MYO1D: variants seen among roughly 807,000 people sequenced by gnomAD.
MYO1D encodes unconventional myosin-Id.
MYO1D carries 83 observed loss-of-function variants against 122.0 expected under a neutral mutation model. The observed-to-expected ratio is 0.68, with a 90% CI of 0.57 to 0.82. MYO1D has a LOEUF of 0.82. Among genes scored for constraint, MYO1D ranks in the 40% least tolerant of loss-of-function variants. MYO1D has a pLI of 0.00. For missense variants in MYO1D, 1,157 were observed against 1,269.5 expected (o/e 0.91, Z 1.35); for synonymous variants, 464 against 446.9 (o/e 1.04, Z -0.48).
intron 20 of MYO1D, among the ~76,000 whole-genome samples, chr17:32,621,371 T>A (rs182643294): frequency 3.3e-5 from 5 of 152,034 alleles, no homozygotes; most frequent in Admixed American, 6.5e-5. Flanking sequence ...AGCTGCACTG[T>A]GATTATTTTT....
intron 19 of MYO1D, among the ~76,000 whole-genome samples, chr17:32,639,619 C>T (rs2088164961): frequency 6.6e-6 from 1 of 152,076 alleles, no homozygotes; most frequent in Non-Finnish European, 1.5e-5. Context: ...TCAGTGCAGC[C>T]TCAAACTCCT....
intron 1 of MYO1D, among the ~76,000 whole-genome samples, chr17:32,872,295 C>T (rs1232952284): frequency 2.6e-5 from 4 of 151,974 alleles, no homozygotes; most frequent in African/African-American, 9.7e-5. Context: ...TATTTTGAGA[C>T]GGAGTCTTGC....
intron 16 of MYO1D, among the ~76,000 whole-genome samples, chr17:32,690,104 T>C (rs1056272480): frequency 6.6e-6 from 1 of 152,190 alleles, no homozygotes; most frequent in Non-Finnish European, 1.5e-5. Context: ...ATATAGGTTA[T>C]GTGTGAGTGT....
chr17:32,629,246 C>T (rs1036416882), intron 20 of MYO1D, among the ~76,000 whole-genome samples: 6 of 151,994 alleles, frequency 3.9e-5, no homozygotes, highest in Admixed American at 2.0e-4. Flanking sequence ...GAACAGGTTA[C>T]GCACACAGGA....
At chr17:32,630,123 G>T (rs1026565957) in intron 20 of MYO1D, among the ~76,000 whole-genome samples, 2 of 152,134 alleles carry the variant, frequency 1.3e-5, no homozygotes, top group African/African-American at 4.8e-5. Flanking sequence ...TATTTATAAA[G>T]ATGTGTATAT....
chr17:32,812,536 G>A (rs2090581099), intron 1 of MYO1D, among the ~76,000 whole-genome samples: 1 of 152,188 alleles, frequency 6.6e-6, no homozygotes, highest in African/African-American at 2.4e-5. Context: ...TTTATGTTGT[G>A]TTACCTACAC....
chr17:32,755,733 A>G lies in MYO1D; in HGVS notation c.1297-71T>C, dbSNP rs1266613538. Reference sequence around the variant, plus strand: ...GGCCAGGTTAAACCCTGATGCTCCCATTTGTATCAGGAGTTCAGGTAAAAC... The same window carrying G: ...GGCCAGGTTAAACCCTGATGCTCCCGTTTGTATCAGGAGTTCAGGTAAAAC... On this transcript the variant is annotated intron_variant, in intron 10 of 21. Transcript: ENST00000318217. 4 of 1,329,062 alleles carry G rather than the reference A, an allele frequency of 3.0e-6. No individual in the cohort carries two copies. The East Asian group carries it at 9.9e-5, about 33-fold the overall frequency. 82.3% of individuals were successfully genotyped at this position (1,329,062 alleles called of 1,614,324 possible).
At chr17:32,871,158 C>G (rs148717900) in intron 1 of MYO1D, among the ~76,000 whole-genome samples, 9 of 152,260 alleles carry the variant, frequency 5.9e-5, no homozygotes, top group African/African-American at 1.9e-4. Context: ...CAGTGGCTCT[C>G]AGCTAGGGAT....
intron 21 of MYO1D, among the ~76,000 whole-genome samples, chr17:32,580,285 G>T: frequency 1.1e-5 from 1 of 90,860 alleles, no homozygotes; most frequent in South Asian, 4.1e-4. Context: ...AGTCTGCTAA[G>T]AGGATTTTTT....
At chr17:32,683,828 G>C (rs1281467027) in intron 16 of MYO1D, among the ~76,000 whole-genome samples, 3 of 152,144 alleles carry the variant, frequency 2.0e-5, no homozygotes, top group Non-Finnish European at 2.9e-5. Context: ...GGGCAATGGC[G>C]GGCGCCCCTC....
rs995036731 is a variant in MYO1D, at chr17:32,864,290, A to AT, written c.95+12487dup. On this transcript the variant is annotated intron_variant, in intron 1 of 21. Coordinates refer to ENST00000318217, the MANE Select transcript of MYO1D (RefSeq NM_015194.3). ...TGACCCAGGACACGACAGATTACAG[A>AT]TTTTTTTTTAAAGCACCAATCTAAA... 5.9e-4 allele frequency among the ~76,000 whole-genome samples: 89 copies of AT among 151,078 alleles called. No homozygotes were observed. In the East Asian group the frequency reaches 0.014, roughly 24 times the overall value.
chr17:32,876,915 G>A lies in MYO1D; in HGVS notation c.-43C>T, dbSNP rs779740895. The stretch of plus-strand genomic sequence containing the variant: ...TCAGGTGGGCGCGCTCGGGCCTCCG[G>A]GGCCGCTCCGTGGGCCCGCGATGAG... On this transcript the variant is annotated 5_prime_UTR_variant, in exon 1 of 22. Transcript: ENST00000318217. 2 of 1,315,234 alleles carry A rather than the reference G, an allele frequency of 1.5e-6. No homozygotes were observed. Among genetic ancestry groups the A allele is most frequent in the African/African-American group, 1.5e-5 (1 of 64,618 alleles). 81.5% of individuals were successfully genotyped at this position (1,315,234 alleles called of 1,614,324 possible).
intron 21 of MYO1D, among the ~76,000 whole-genome samples, chr17:32,526,266 T>C (rs539863457): frequency 2.6e-5 from 4 of 152,336 alleles, no homozygotes; most frequent in Admixed American, 2.6e-4. Context: ...CCTCTGTAAA[T>C]ATCAGCTCTA....
chr17:32,760,084 C>T lies in MYO1D; in HGVS notation c.1296+206G>A, dbSNP rs537365204. The T allele has an allele frequency of 4.8e-5, 34 of 708,178 alleles. No individual in the cohort carries two copies. The African/African-American group carries it at 5.2e-4, about 11-fold the overall frequency. The allele number at this position is 708,178 out of a possible 1,614,324, so 43.9% of individuals were successfully genotyped here. On this transcript the variant is annotated intron_variant, in intron 10 of 21. Transcript: ENST00000318217. ...TTTACTGGTTCTAACTCAGGATGTT[C>T]TGGGCATCAACAAGGCAGTCTATCA...
At chr17:32,820,239 C>G (rs924896198) in intron 1 of MYO1D, among the ~76,000 whole-genome samples, 3 of 152,080 alleles carry the variant, frequency 2.0e-5, no homozygotes, top group African/African-American at 7.2e-5. Context: ...ATAGAGCTAC[C>G]ATATGACCCA....
chr17:32,788,386 CTA>C (rs2090318456), intron 1 of MYO1D, among the ~76,000 whole-genome samples: 1 of 152,100 alleles, frequency 6.6e-6, no homozygotes, highest in Non-Finnish European at 1.5e-5. Context: ...AAGAGTTTTT[CTA>C]TGTTATCTTC....
At chr17:32,629,605 G>C (rs759311972) in intron 20 of MYO1D, among the ~76,000 whole-genome samples, 1 of 151,998 alleles carries the variant, frequency 6.6e-6, no homozygotes, top group Non-Finnish European at 1.5e-5. Flanking sequence ...GCGTGGTGGC[G>C]GGCGCCTGTA....
At chr17:32,814,218 C>T (rs1262863933) in intron 1 of MYO1D, among the ~76,000 whole-genome samples, 1 of 152,086 alleles carries the variant, frequency 6.6e-6, no homozygotes, top group African/African-American at 2.4e-5. Flanking sequence ...GTGGTGTGCA[C>T]CTGTAGTCCC....
intron 16 of MYO1D, among the ~76,000 whole-genome samples, chr17:32,693,716 C>T (rs1363744915): frequency 1.3e-5 from 2 of 152,312 alleles, no homozygotes; most frequent in East Asian, 1.9e-4. Flanking sequence ...TTCCAACTTA[C>T]AGCAGAGTGG....
Sources: gnomAD v4.1 joint callset for allele counts (sites outside exome capture counted in the v4.1 genomes callset) on GRCh38, gnomAD v4.1.1 for gene constraint, MANE v1.5 for transcripts, NCBI Gene and HGNC (gene_info 2026-07-23, HGNC 2026-07-21) for gene names.